SDCCAG8: variants seen among roughly 807,000 people sequenced by gnomAD.
SDCCAG8 encodes the protein serologically defined colon cancer antigen 8.
A neutral mutation model predicts 101.8 loss-of-function variants in SDCCAG8; 74 were observed. That is an observed-to-expected ratio of 0.73 (90% CI 0.60 to 0.88). The LOEUF (loss-of-function observed/expected upper bound fraction) is 0.88. Among genes scored for constraint, SDCCAG8 ranks in the 40% least tolerant of loss-of-function variants. SDCCAG8 has a pLI of 0.00. For synonymous variants in SDCCAG8, 281 were observed against 292.9 expected (o/e 0.96, Z 0.41); for missense variants, 787 against 822.6 (o/e 0.96, Z 0.53).
At chr1:243,264,381 G>T (rs1456085274) in intron 1 of SDCCAG8, among the ~76,000 whole-genome samples, 3 of 152,172 alleles carry the variant, frequency 2.0e-5, no homozygotes, top group Non-Finnish European at 4.4e-5. Flanking sequence ...TTGGGAGGCT[G>T]AGGCGGAAGG....
At chr1:243,441,120 A>T (rs1271170952) in intron 16 of SDCCAG8, among the ~76,000 whole-genome samples, 1 of 152,242 alleles carries the variant, frequency 6.6e-6, no homozygotes, top group Non-Finnish European at 1.5e-5. Flanking sequence ...GAATATAGAA[A>T]AACAGCATTA....
chr1:243,437,453 C>G (rs972610845), intron 16 of SDCCAG8, among the ~76,000 whole-genome samples: 2 of 152,034 alleles, frequency 1.3e-5, no homozygotes, highest in Admixed American at 6.6e-5. Flanking sequence ...GGCATGTCAC[C>G]CAGGTTTGGA....
intron 9 of SDCCAG8, chr1:243,318,557 C>T: frequency 6.1e-6 from 6 of 985,294 alleles, no homozygotes; most frequent in Non-Finnish European, 7.2e-6. Flanking sequence ...AGCCTCTTGT[C>T]AGCCATTGCT....
Position 243,389,645 on chromosome 1 carries a change from A to C in SDCCAG8, c.1616+10782A>C, listed in dbSNP as rs548631849. On this transcript the variant is annotated intron_variant, in intron 13 of 17. Coordinates refer to ENST00000366541, the MANE Select transcript of SDCCAG8 (RefSeq NM_006642.5). ...TATTGTGTTTTAAAAAACTATTTGC[A>C]AAAGATTAGAAATTAAAACAAATAT... is the stretch of plus-strand genomic sequence containing the variant. Among the ~76,000 whole-genome samples the C allele has an allele frequency of 2.0e-5, 3 of 152,304 alleles. No individual in the cohort carries two copies. The East Asian group carries it at 5.8e-4, about 29-fold the overall frequency.
chr1:243,292,328 C>T (rs755306450), intron 5 of SDCCAG8, among the ~76,000 whole-genome samples: 61 of 152,204 alleles, frequency 4.0e-4, no homozygotes, highest in Admixed American at 2.5e-3. Context: ...TATTAGCATA[C>T]GAAAGGATAC....
At chr1:243,469,594 G>C (rs1660813739) in intron 16 of SDCCAG8, among the ~76,000 whole-genome samples, 1 of 152,112 alleles carries the variant, frequency 6.6e-6, no homozygotes, top group Non-Finnish European at 1.5e-5. Context: ...TGGATTACAA[G>C]TAAACTGAAT....
chr1:243,472,511 GA>G (rs1661465835), intron 16 of SDCCAG8, among the ~76,000 whole-genome samples: 1 of 152,204 alleles, frequency 6.6e-6, no homozygotes, highest in Non-Finnish European at 1.5e-5. Context: ...AAGCAAGTAA[GA>G]AATGCAGCAT....
chr1:243,366,784 A>C (rs1005246898), intron 12 of SDCCAG8, among the ~76,000 whole-genome samples: 4 of 152,076 alleles, frequency 2.6e-5, no homozygotes, highest in Admixed American at 2.0e-4. Flanking sequence ...GTGAAGAGTG[A>C]AATAGCTTGG....
chr1:243,500,033 T>TC lies in SDCCAG8; in HGVS notation c.*249dup. ...AATGGCTTGAAGTTATGTGTTTAAA[T>TC]CTGCTCATTCGTATGCTAGGTTATA... On this transcript the variant is annotated 3_prime_UTR_variant, in exon 18 of 18. Coordinates refer to ENST00000366541, the MANE Select transcript of SDCCAG8 (RefSeq NM_006642.5). The TC allele has an allele frequency of 3.6e-6, 2 of 560,158 alleles. No individual in the cohort carries two copies. The highest frequency in any genetic ancestry group is 3.2e-6 in the Non-Finnish European group (1 of 315,156). The allele number at this position is 560,158 out of a possible 1,614,324, so 34.7% of individuals were successfully genotyped here.
chr1:243,410,764 A>T (rs1286606472), intron 13 of SDCCAG8, among the ~76,000 whole-genome samples: 1 of 152,240 alleles, frequency 6.6e-6, no homozygotes, highest in Non-Finnish European at 1.5e-5. Flanking sequence ...AAATTGCAAG[A>T]TTTAAAATAA....
intron 13 of SDCCAG8, among the ~76,000 whole-genome samples, chr1:243,390,977 T>A (rs1198204988): frequency 7.9e-5 from 12 of 152,198 alleles, no homozygotes; most frequent in Admixed American, 7.9e-4. Flanking sequence ...TTTATATATA[T>A]TTTTAGAGGC....
In SDCCAG8 at chr1:243,293,224, G is replaced by C. The variant is rs968117633; in HGVS notation, c.675+5G>C. Reference sequence around the variant, plus strand: ...GCTGGTGAGCAGCTAGAACTGGTGAGTATTTGGGTGCTTTTCTCTTATACA... The same window carrying C: ...GCTGGTGAGCAGCTAGAACTGGTGACTATTTGGGTGCTTTTCTCTTATACA... On this transcript the variant is annotated splice_donor_5th_base_variant and intron_variant, in intron 6 of 17. Transcript: ENST00000366541. 1.2e-6 allele frequency: 2 copies of C among 1,613,940 alleles called. No individual in the cohort carries two copies. Among genetic ancestry groups the C allele is most frequent in the Non-Finnish European group, 1.7e-6 (2 of 1,179,898 alleles).
At chr1:243,463,669 A>G (rs916576893) in intron 16 of SDCCAG8, among the ~76,000 whole-genome samples, 2 of 152,214 alleles carry the variant, frequency 1.3e-5, no homozygotes, top group African/African-American at 4.8e-5. Flanking sequence ...AATGTAATCC[A>G]TGGTAATATT....
At chr1:243,437,901 A>C (rs1275771443) in intron 16 of SDCCAG8, among the ~76,000 whole-genome samples, 1 of 152,132 alleles carries the variant, frequency 6.6e-6, no homozygotes, top group African/African-American at 2.4e-5. Context: ...GCCCTCCCTC[A>C]GTGACAGTTC....
Position 243,330,813 on chromosome 1 carries a change from G to C in SDCCAG8, c.1221+121G>C, listed in dbSNP as rs533397837. 4 of 913,932 alleles carry C rather than the reference G, an allele frequency of 4.4e-6. No homozygotes were observed. The East Asian group carries it at 1.1e-4, about 24-fold the overall frequency. The allele number at this position is 913,932 out of a possible 1,614,324, so 56.6% of individuals were successfully genotyped here. A position where few individuals can be genotyped will look rare whatever the true frequency, so the allele number is the denominator to read the frequency against. On this transcript the variant is annotated intron_variant, in intron 10 of 17. Transcript: ENST00000366541. ...AAATTTTAAAATCGTTATTATATAAGTAGTTAAATTTCGTATAATTTAGAA... is the reference window on the plus strand; with the variant it reads ...AAATTTTAAAATCGTTATTATATAACTAGTTAAATTTCGTATAATTTAGAA...
At chr1:243,324,368 C>G (rs1486404721) in intron 9 of SDCCAG8, among the ~76,000 whole-genome samples, 2 of 151,974 alleles carry the variant, frequency 1.3e-5, no homozygotes, top group African/African-American at 4.8e-5. Flanking sequence ...AGGTCTTTCT[C>G]TCTCTCTTCA....
chr1:243,420,406 A>G (rs2080913783), intron 15 of SDCCAG8, among the ~76,000 whole-genome samples: 1 of 152,218 alleles, frequency 6.6e-6, no homozygotes, highest in African/African-American at 2.4e-5. Flanking sequence ...AAGGGTCTTG[A>G]CTGGTAATTT....
chr1:243,305,028 C>T (rs924203607), intron 7 of SDCCAG8: 11 of 437,980 alleles, frequency 2.5e-5, no homozygotes, highest in African/African-American at 1.0e-4. Context: ...GAATCACGGC[C>T]GGGCGCGGTG....
At chr1:243,282,509 C>CT (rs1451763115) in intron 4 of SDCCAG8, among the ~76,000 whole-genome samples, 2 of 152,124 alleles carry the variant, frequency 1.3e-5, no homozygotes, top group African/African-American at 4.8e-5. Flanking sequence ...CTTTAATACT[C>CT]TTTTTTTCTT....
Sources: gnomAD v4.1 joint callset for allele counts (sites outside exome capture counted in the v4.1 genomes callset) on GRCh38, gnomAD v4.1.1 for gene constraint, MANE v1.5 for transcripts, NCBI Gene and HGNC (gene_info 2026-07-23, HGNC 2026-07-21) for gene names.